CEP128: variants seen among roughly 807,000 people sequenced by gnomAD.
CEP128 encodes the protein centrosomal protein 128, also known as centrosomal protein 128kDa.
In CEP128, 132 loss-of-function variants were observed where a neutral mutation model predicts 156.7. The ratio of observed to expected loss-of-function variants is 0.84; its 90% confidence interval spans 0.73 to 0.97. The LOEUF is 0.97. Among genes scored for constraint, CEP128 ranks in the 50% least tolerant of loss-of-function variants. CEP128 has a pLI of 0.00. For missense variants in CEP128, 1,252 were observed against 1,281.9 expected (o/e 0.98, Z 0.36); for synonymous variants, 469 against 448.9 (o/e 1.04, Z -0.57).
At chr14:80,706,842 A>G (rs1319349502) in intron 19 of CEP128, among the ~76,000 whole-genome samples, 3 of 151,530 alleles carry the variant, frequency 2.0e-5, no homozygotes, top group East Asian at 3.9e-4. Context: ...TTTTCTCCCT[A>G]TTGTTCAAAT....
At position 80,477,244 on chromosome 14, in the gene CEP128, G is replaced by A. The variant is rs998249795; in HGVS notation, c.*1474C>T. 8 of 152,224 alleles carry A rather than the reference G, an allele frequency of 5.3e-5. No individual in the cohort carries two copies. In the East Asian group the frequency reaches 9.7e-4, roughly 18 times the overall value. 9.4% of individuals were successfully genotyped at this position (152,224 alleles called of 1,614,324 possible). A position where few individuals can be genotyped will look rare whatever the true frequency, so the allele number is the denominator to read the frequency against. Reference sequence around the variant, plus strand: ...AAAATCCATATATTCTAATAGTACAGTATTACTGCCTTTCCTACCTTGGAA... The same window carrying A: ...AAAATCCATATATTCTAATAGTACAATATTACTGCCTTTCCTACCTTGGAA... On this transcript the variant is annotated 3_prime_UTR_variant and NMD_transcript_variant, in exon 15 of 15. Transcript: ENST00000554502.
chr14:80,527,049 G>T, intron 22 of CEP128, 67 bp from the exon 23 acceptor site: 1 of 736,800 alleles, frequency 1.4e-6, no homozygotes, highest in South Asian at 1.6e-5. Context: ...TGAAATTAGA[G>T]TAAGAAAGAG....
chr14:80,637,959 G>T (rs1281076592), intron 19 of CEP128, among the ~76,000 whole-genome samples: 1 of 152,182 alleles, frequency 6.6e-6, no homozygotes, highest in East Asian at 1.9e-4. Context: ...TTTTCAGAGG[G>T]AGTCAGGTCC....
At chr14:80,477,577 T>G (rs768201608) in exon 15 of CEP128, 7 of 152,230 alleles carry the variant, frequency 4.6e-5, no homozygotes, top group Admixed American at 2.6e-4. Flanking sequence ...TCTATTTTGA[T>G]GACCTGAATT....
chr14:80,643,566 C>A (rs929898673), intron 19 of CEP128, among the ~76,000 whole-genome samples: 1 of 151,986 alleles, frequency 6.6e-6, no homozygotes, highest in Admixed American at 6.6e-5. Context: ...AAAAATTAGT[C>A]GGGTGCAGCG....
At chr14:80,677,132 G>A (rs912415480) in intron 19 of CEP128, among the ~76,000 whole-genome samples, 6 of 152,164 alleles carry the variant, frequency 3.9e-5, no homozygotes, top group African/African-American at 1.4e-4. Flanking sequence ...CAAACTTGGA[G>A]TGTATGTGTA....
chr14:80,631,039 C>G (rs1893939572), intron 19 of CEP128, among the ~76,000 whole-genome samples: 1 of 151,800 alleles, frequency 6.6e-6, no homozygotes, highest in Non-Finnish European at 1.5e-5. Flanking sequence ...CATGCTTTTT[C>G]GAGTCAATAA....
At chr14:80,870,316 T>G (rs760901175) in intron 8 of CEP128, among the ~76,000 whole-genome samples, 1 of 152,050 alleles carries the variant, frequency 6.6e-6, no homozygotes, top group Non-Finnish European at 1.5e-5. Flanking sequence ...ATATCCCCGA[T>G]GAACACAGAT....
intron 20 of CEP128, among the ~76,000 whole-genome samples, chr14:80,576,002 G>A (rs1261945238): frequency 1.3e-5 from 2 of 151,868 alleles, no homozygotes; most frequent in Non-Finnish European, 2.9e-5. Context: ...ACTCTGTTCA[G>A]TGACTGTCAT....
intron 19 of CEP128, among the ~76,000 whole-genome samples, chr14:80,631,320 C>T (rs1893950169): frequency 6.6e-6 from 1 of 151,732 alleles, no homozygotes; most frequent in South Asian, 2.1e-4. Flanking sequence ...CAAGACTCAG[C>T]AATTGCATGA....
chr14:80,786,258 C>T (rs1901400201), intron 14 of CEP128, among the ~76,000 whole-genome samples: 3 of 152,192 alleles, frequency 2.0e-5, no homozygotes, highest in Admixed American at 6.5e-5. Flanking sequence ...ATTCTCACCA[C>T]CTAATCATTG....
chr14:80,786,469 T>C (rs1901412255), intron 14 of CEP128, among the ~76,000 whole-genome samples: 1 of 152,192 alleles, frequency 6.6e-6, no homozygotes, highest in Admixed American at 6.5e-5. Context: ...AAACAATTTA[T>C]GACAAAAATT....
intron 19 of CEP128, among the ~76,000 whole-genome samples, chr14:80,591,661 A>G (rs1892076075): frequency 6.6e-6 from 1 of 152,198 alleles, no homozygotes; most frequent in South Asian, 2.1e-4. Context: ...CAGACCTTAC[A>G]GACATCTACA....
At chr14:80,673,597 G>C (rs1239119972) in intron 19 of CEP128, among the ~76,000 whole-genome samples, 1 of 110,828 alleles carries the variant, frequency 9.0e-6, no homozygotes, top group Non-Finnish European at 1.7e-5. Flanking sequence ...AGTGAGCCGA[G>C]ATCCCGCCAC....
intron 19 of CEP128, among the ~76,000 whole-genome samples, chr14:80,691,153 C>G (rs1443940441): frequency 1.3e-5 from 2 of 152,122 alleles, no homozygotes; most frequent in Non-Finnish European, 2.9e-5. Flanking sequence ...ATCCACAGAC[C>G]AATAAATATA....
rs547041373 is a variant in CEP128 at position 80,880,720 on chromosome 14, G to A, written c.645+14998C>T. On this transcript the variant is annotated intron_variant, in intron 8 of 24. Transcript: ENST00000555265. ...AAAAAAAAAATACAAAAAATTAGCC[G>A]GGCATGGTGGTGGGCGCCTGTAGTC... 1.5e-3 allele frequency among the ~76,000 whole-genome samples: 225 copies of A among 150,424 alleles called. 2 individuals are homozygous for A. The highest frequency in any genetic ancestry group is 5.1e-3 in the African/African-American group (209 of 41,132).
rs327463 is a variant in CEP128, at chr14:80,784,911, T to C, written c.2195A>G (p.His732Arg). The change falls in exon 15 of 25, where the codon CAT becomes CGT. Residue 732 changes from histidine to arginine, a missense_variant. By Grantham distance (29) the His-to-Arg change is conservative. Coordinates refer to ENST00000555265, the MANE Select transcript of CEP128 (RefSeq NM_152446.5). ...CAGAGGTACCTTCAGAGTCCTGATA[T>C]GATTCTCAGCCTCACTCTTTTCTTT... ...FKKEKSEAENHIRTLKAESLE... is the reference protein window; with the variant it reads ...FKKEKSEAENRIRTLKAESLE... 631,546 of 1,609,170 alleles carry C rather than the reference T, an allele frequency of 0.39. 127,614 individuals are homozygous for C. Among genetic ancestry groups the C allele is most frequent in the South Asian group, 0.5 (45,399 of 90,342 alleles).
In CEP128 at chr14:80,916,588, T is replaced by G. The variant is rs111448388; in HGVS notation, c.-15-26A>C. On this transcript the variant is annotated intron_variant, in intron 2 of 24. Transcript: ENST00000555265. Reference sequence around the variant, plus strand: ...CTTTTAAATAAATATAGGTCAAAGTTAATGAAACAGTAAAAAGCATGGAAA... The same window carrying G: ...CTTTTAAATAAATATAGGTCAAAGTGAATGAAACAGTAAAAAGCATGGAAA... The G allele has an allele frequency of 1.4e-4, 219 of 1,560,782 alleles. 3 individuals carry two copies. In the African/African-American group the frequency reaches 2.2e-3, roughly 15 times the overall value.
intron 19 of CEP128, among the ~76,000 whole-genome samples, chr14:80,636,736 C>T (rs750624074): frequency 9.9e-5 from 15 of 152,158 alleles, no homozygotes; most frequent in Non-Finnish European, 2.1e-4. Context: ...CCTAAATGGC[C>T]TCCCCATTTC....
Sources: gnomAD v4.1 joint callset for allele counts (sites outside exome capture counted in the v4.1 genomes callset) on GRCh38, gnomAD v4.1.1 for gene constraint, MANE v1.5 for transcripts, NCBI Gene and HGNC (gene_info 2026-07-23, HGNC 2026-07-21) for gene names.